MYO16: variants seen among roughly 807,000 people sequenced by gnomAD.
The protein encoded by MYO16 is myosin XVI.
MYO16 carries 94 observed loss-of-function variants against 205.3 expected under a neutral mutation model. The ratio of observed to expected loss-of-function variants is 0.46; its 90% CI spans 0.39 to 0.54. The LOEUF (loss-of-function observed/expected upper bound fraction) is 0.54. MYO16 is among the 20% of genes least tolerant of loss of function. The probability of loss-of-function intolerance (pLI) is 0.00; values close to 1 mark genes in which losing one functional copy is unlikely to be tolerated. For missense variants in MYO16, 2,315 were observed against 2,387.5 expected (o/e 0.97, Z 0.63); for synonymous variants, 988 against 954.0 (o/e 1.04, Z -0.66).
chr13:108,496,257 G>C, the MYO16 span, among the ~76,000 whole-genome samples: 3 of 152,222 alleles, frequency 2.0e-5, no homozygotes, highest in Admixed American at 2.0e-4. Context: ...AGAAGGAGGG[G>C]GCGAAACTGG....
At chr13:108,652,162 C>CGT (rs1027341194) in intron 1 of MYO16, among the ~76,000 whole-genome samples, 35 of 150,994 alleles carry the variant, frequency 2.3e-4, no homozygotes, top group African/African-American at 8.1e-4. Context: ...TGTGCGCGCG[C>CGT]GCGCATGTGT....
rs185246130 is a variant in MYO16 at position 108,752,599 on chromosome 13, C to G, written c.507+25016C>G. Among the ~76,000 whole-genome samples the G allele has an allele frequency of 2.7e-4, 41 of 151,638 alleles. No individual in the cohort carries two copies. The East Asian group carries it at 7.5e-3, about 28-fold the overall frequency. ...TAAACTTTTATGAGACTGGAGATTTCCTTTTTGTTTTGAAAGATTATATGG... is the reference window on the plus strand; with the variant it reads ...TAAACTTTTATGAGACTGGAGATTTGCTTTTTGTTTTGAAAGATTATATGG... On this transcript the variant is annotated intron_variant, in intron 4 of 34. Transcript: ENST00000457511.
chr13:108,524,078 T>C, the MYO16 span, among the ~76,000 whole-genome samples: 1 of 151,944 alleles, frequency 6.6e-6, no homozygotes, highest in Non-Finnish European at 1.5e-5. Flanking sequence ...GGTGGGTGGA[T>C]TGTCTGAGCT....
the MYO16 span, among the ~76,000 whole-genome samples, chr13:108,510,461 G>GTTTTTTGTTTTTTTTTTTTTT: frequency 2.2e-5 from 1 of 45,922 alleles, no homozygotes; most frequent in African/African-American, 1.0e-4. Flanking sequence ...ATTGATAGCT[G>GTTTTTTGTTTTTTTTTTTTTT]TTTTTTTTTT....
chr13:108,750,072 A>G (rs1047192691), intron 4 of MYO16, among the ~76,000 whole-genome samples: 2 of 152,238 alleles, frequency 1.3e-5, no homozygotes, highest in Admixed American at 6.5e-5. Flanking sequence ...GAGAATAAAA[A>G]AATGTCAGTG....
intron 33 of MYO16, among the ~76,000 whole-genome samples, chr13:109,172,192 T>C (rs1878950109): frequency 6.6e-6 from 1 of 152,180 alleles, no homozygotes; most frequent in African/African-American, 2.4e-5. Context: ...CAACATCACT[T>C]TCTTTATGGA....
intron 4 of MYO16, among the ~76,000 whole-genome samples, chr13:108,752,624 G>T (rs1926513): frequency 0.41 from 61,313 of 150,706 alleles, 13,357 homozygotes; most frequent in East Asian, 0.62. Context: ...AGATTATATG[G>T]CCTTTACTTT....
At chr13:108,792,100 G>C (rs967490077) in intron 5 of MYO16, among the ~76,000 whole-genome samples, 1 of 152,114 alleles carries the variant, frequency 6.6e-6, no homozygotes, top group Non-Finnish European at 1.5e-5. Context: ...GCTAGGAATA[G>C]GGGACACATC....
intron 20 of MYO16, among the ~76,000 whole-genome samples, chr13:108,981,840 A>G (rs1555320136): frequency 6.6e-6 from 1 of 152,194 alleles, no homozygotes; most frequent in African/African-American, 2.4e-5. Context: ...GGAACCACAC[A>G]TTTTTTGTAT....
chr13:108,589,334 C>T, the MYO16 span, among the ~76,000 whole-genome samples: 1 of 152,228 alleles, frequency 6.6e-6, no homozygotes, highest in Non-Finnish European at 1.5e-5. Context: ...TTTCATATTA[C>T]AATTTAACTT....
In MYO16 at chr13:109,139,822, A is replaced by ATATTAT. The variant is rs148872505; in HGVS notation, c.4052-428_4052-423dup. Among the ~76,000 whole-genome samples the ATATTAT allele has an allele frequency of 1.0e-3, 151 of 151,668 alleles. 1 individual carries two copies. The highest frequency in any genetic ancestry group is 3.4e-3 in the Middle Eastern group (1 of 294). On this transcript the variant is annotated intron_variant, in intron 31 of 34. Coordinates refer to ENST00000457511, the MANE Select transcript of MYO16 (RefSeq NM_001198950.3). The stretch of plus-strand genomic sequence containing the variant: ...CACAAGTAGTTTAGGTCGGGGGTTG[A>ATATTAT]TATTATTATTATTATTATTTTAACC...
At chr13:109,069,971 A>G (rs1299188385) in intron 27 of MYO16, among the ~76,000 whole-genome samples, 2 of 152,172 alleles carry the variant, frequency 1.3e-5, no homozygotes, top group Non-Finnish European at 2.9e-5. Context: ...CACAACTATT[A>G]GGGCACTAAT....
intron 11 of MYO16, among the ~76,000 whole-genome samples, chr13:108,865,354 T>C (rs1395153368): frequency 6.6e-6 from 1 of 152,194 alleles, no homozygotes; most frequent in Non-Finnish European, 1.5e-5. Context: ...TCTAGAAATT[T>C]AGAAATGTTG....
intron 27 of MYO16, among the ~76,000 whole-genome samples, chr13:109,059,199 A>G (rs1409703602): frequency 6.6e-6 from 1 of 152,212 alleles, no homozygotes; most frequent in Non-Finnish European, 1.5e-5. Flanking sequence ...ACCATAAATC[A>G]CAAATATTCT....
At chr13:108,722,357 C>T (rs1884195168) in intron 3 of MYO16, among the ~76,000 whole-genome samples, 1 of 152,112 alleles carries the variant, frequency 6.6e-6, no homozygotes, top group Non-Finnish European at 1.5e-5. Context: ...TACTACATAA[C>T]AATATTATAA....
At chr13:108,677,757 T>C (rs1882295289) in intron 2 of MYO16, among the ~76,000 whole-genome samples, 1 of 152,170 alleles carries the variant, frequency 6.6e-6, no homozygotes, top group Non-Finnish European at 1.5e-5. Context: ...AAATCTGTCA[T>C]TTCTGTCTCT....
intron 17 of MYO16, among the ~76,000 whole-genome samples, chr13:108,959,007 G>A (rs1883483219): frequency 3.3e-5 from 5 of 152,136 alleles, no homozygotes; most frequent in Admixed American, 3.3e-4. Flanking sequence ...TTATTTCCCT[G>A]CCCACACCGT....
the MYO16 span, among the ~76,000 whole-genome samples, chr13:108,503,496 G>T: frequency 6.6e-6 from 1 of 151,974 alleles, no homozygotes. Flanking sequence ...GCCAAAGACA[G>T]GTGAGGAAAT....
intron 4 of MYO16, among the ~76,000 whole-genome samples, chr13:108,769,991 T>A (rs1885909562): frequency 6.6e-6 from 1 of 152,188 alleles, no homozygotes; most frequent in African/African-American, 2.4e-5. Flanking sequence ...AGTAATGATG[T>A]ATAAAAATCA....
Sources: allele counts gnomAD v4.1 joint callset (sites outside exome capture counted in the v4.1 genomes callset), GRCh38; gene constraint gnomAD v4.1.1; transcripts MANE v1.5; gene names NCBI Gene and HGNC (gene_info 2026-07-23, HGNC 2026-07-21).